DYNC1H1: variants seen among roughly 807,000 people sequenced by gnomAD.
The protein encoded by DYNC1H1 is dynein cytoplasmic 1 heavy chain 1, also known as cytoplasmic dynein 1 heavy chain 1.
Under a neutral mutation model 527.1 loss-of-function variants are expected in DYNC1H1, and 51 were observed. The observed-to-expected ratio is 0.10, with a 90% CI of 0.08 to 0.12. The LOEUF is 0.12. Among genes scored for constraint, DYNC1H1 ranks in the 10% least tolerant of loss-of-function variants. The pLI, the probability that DYNC1H1 is intolerant of heterozygous loss-of-function variation, is 1.00. For synonymous variants in DYNC1H1, 2,189 were observed against 2,278.8 expected, an observed-to-expected ratio of 0.96 and a Z score of 1.12; for missense variants, 2,771 against 5,971.8, an observed-to-expected ratio of 0.46 and a Z score of 17.66.
At position 102,004,967 on chromosome 14, in the gene DYNC1H1, G is replaced by T; in HGVS notation, c.5238+17G>T. The T allele has an allele frequency of 6.2e-7, 1 of 1,614,242 alleles. No individual in the cohort carries two copies. Among genetic ancestry groups the T allele is most frequent in the East Asian group, 2.2e-5 (1 of 44,884 alleles). On this transcript the variant is annotated intron_variant, in intron 25 of 77. Transcript: ENST00000360184. ...AAATACCAGGTAATCTATAGTAGAA[G>T]TGAGTGGGCTCGTGGTGAAAACGCA... is the stretch of plus-strand genomic sequence containing the variant.
At position 102,018,910 on chromosome 14, in the gene DYNC1H1, C is replaced by T. The variant is rs1449452532; in HGVS notation, c.8343+294C>T. 1.3e-5 allele frequency among the ~76,000 whole-genome samples: 2 copies of T among 152,140 alleles called. No homozygotes were observed. The highest frequency in any genetic ancestry group is 4.8e-5 in the African/African-American group (2 of 41,418). ...AGCTTACGATGAGCCATGATTGTGC[C>T]ACTGCACCAGCCTGGGTGACAGAGT... On this transcript the variant is annotated intron_variant, in intron 41 of 77. Coordinates refer to ENST00000360184, the MANE Select transcript of DYNC1H1 (RefSeq NM_001376.5). The surrounding 1 kb of genome is among the most constrained non-coding windows in gnomAD (Gnocchi z 5.2).
At chr14:101,982,364 C>T (rs1201166075) in intron 5 of DYNC1H1, among the ~76,000 whole-genome samples, 8 of 152,096 alleles carry the variant, frequency 5.3e-5, no homozygotes, top group East Asian at 1.9e-4. Flanking sequence ...GAGGCCTAGG[C>T]GGGCAGATCA....
At position 102,018,617 on chromosome 14, in the gene DYNC1H1, G is replaced by T. The variant is rs1265258010; in HGVS notation, c.8343+1G>T. 6.2e-7 allele frequency: 1 copy of T among 1,613,556 alleles called. No homozygotes were observed. Among genetic ancestry groups the T allele is most frequent in the Non-Finnish European group, 8.5e-7 (1 of 1,180,000 alleles). ...GGTGGAGTTCTACACCATGTCTCAG[G>T]TACGCAGAGTTTCTTTGCTCTTCCA... On this transcript the variant is annotated splice_donor_variant, in intron 41 of 77. Transcript: ENST00000360184. LOFTEE classifies it high-confidence loss of function. This position sits in a 1 kb window ranked among gnomAD's most constrained non-coding sequence, Gnocchi z 5.2.
chr14:102,016,900 T>C lies in DYNC1H1; in HGVS notation c.7749T>C (p.Thr2583=), dbSNP rs2152582718. 3 of 1,614,214 alleles carry C rather than the reference T, an allele frequency of 1.9e-6. No individual in the cohort carries two copies. Among genetic ancestry groups the C allele is most frequent in the Middle Eastern group, 3.3e-4 (2 of 6,062 alleles). The change falls in exon 38 of 78, where the codon ACT becomes ACC. Residue 2583 remains threonine, a synonymous_variant. Coordinates refer to ENST00000360184, the MANE Select transcript of DYNC1H1 (RefSeq NM_001376.5). This position sits in a 1 kb window ranked among gnomAD's most constrained non-coding sequence, Gnocchi z 7.3. The stretch of plus-strand genomic sequence containing the variant: ...TCCGCCACGAAGCCCTCTTGTACAC[T>C]TGGCTGGCCGAACACAAGCCCCTGG... ...DTVRHEALLY[T]WLAEHKPLVL...
At chr14:101,973,450 G>A (rs555182648) in intron 1 of DYNC1H1, among the ~76,000 whole-genome samples, 3 of 152,070 alleles carry the variant, frequency 2.0e-5, no homozygotes, top group East Asian at 3.9e-4. Flanking sequence ...ATGAGCCACC[G>A]CGCCTGGCCA....
chr14:101,979,539 A>G lies in DYNC1H1; in HGVS notation c.518+47A>G. ...TTATATTTCACTTAATGTTCACAAG[A>G]TAGTATAGAACTCGGTGTAAAACTT... is the stretch of plus-strand genomic sequence containing the variant. On this transcript the variant is annotated intron_variant, in intron 3 of 77. Coordinates refer to ENST00000360184, the MANE Select transcript of DYNC1H1 (RefSeq NM_001376.5). The surrounding 1 kb of genome is among the most constrained non-coding windows in gnomAD (Gnocchi z 4.6). The G allele has an allele frequency of 6.2e-7, 1 of 1,613,246 alleles. No individual in the cohort carries two copies. The highest frequency in any genetic ancestry group is 8.5e-7 in the Non-Finnish European group (1 of 1,179,428).
rs768596689 is a variant in DYNC1H1, at chr14:101,979,752, G to A, written c.552G>A (p.Lys184=). The change falls in exon 4 of 78, where the codon AAG becomes AAA. Residue 184 remains lysine (K), a synonymous_variant. Transcript: ENST00000360184. This position sits in a 1 kb window ranked among gnomAD's most constrained non-coding sequence, Gnocchi z 4.6. ...ATAAAATGGCTCCTTCAGTTGAAAA[G>A]AAGATTGCAGAACTCGAAATGGGAC... The part of the protein sequence containing the change: ...DGDKMAPSVE[K]KIAELEMGLL... 5.0e-6 allele frequency: 8 copies of A among 1,614,032 alleles called. No individual in the cohort carries two copies. The South Asian group carries it at 6.6e-5, about 13-fold the overall frequency.
Position 102,015,403 on chromosome 14 carries a change from T to C in DYNC1H1, c.7242+71T>C. 6.7e-7 allele frequency: 1 copy of C among 1,490,626 alleles called. No homozygotes were observed. Among genetic ancestry groups the C allele is most frequent in the South Asian group, 1.3e-5 (1 of 77,272 alleles). 92.3% of individuals were successfully genotyped at this position (1,490,626 alleles called of 1,614,324 possible). ...GATATTCAGATGTGGTCTCGCTGTGTTGCCCACGCTGGTCTTGAACTCCTG... is the reference window on the plus strand; with the variant it reads ...GATATTCAGATGTGGTCTCGCTGTGCTGCCCACGCTGGTCTTGAACTCCTG... On this transcript the variant is annotated intron_variant, in intron 35 of 77. Coordinates refer to ENST00000360184, the MANE Select transcript of DYNC1H1 (RefSeq NM_001376.5). This position sits in a 1 kb window ranked among gnomAD's most constrained non-coding sequence, Gnocchi z 6.9.
chr14:101,969,324 CCTT>C (rs2041292089), intron 1 of DYNC1H1: 1 of 153,594 alleles, frequency 6.5e-6, no homozygotes, highest in African/African-American at 2.4e-5. Context: ...CTGGCCAAGA[CCTT>C]CTTTCTAAAG....
intron 9 of DYNC1H1, 124 bp downstream of exon 9, chr14:101,987,756 C>T: frequency 8.6e-7 from 1 of 1,156,494 alleles, no homozygotes; most frequent in Non-Finnish European, 1.3e-6. Context: ...CAATTCCCCT[C>T]CAAAATCTCA....
chr14:102,005,251 T>C lies in DYNC1H1; in HGVS notation c.5433+15T>C. On this transcript the variant is annotated intron_variant, in intron 26 of 77. Transcript: ENST00000360184. This position sits in a 1 kb window ranked among gnomAD's most constrained non-coding sequence, Gnocchi z 4.0. ...TAGAACACTTGGTTAGTCTCACACC[T>C]GACTCCTTCCTTACCAGTTAGACTC... The C allele has an allele frequency of 1.2e-6, 2 of 1,614,048 alleles. No homozygotes were observed. The highest frequency in any genetic ancestry group is 1.7e-6 in the Non-Finnish European group (2 of 1,180,018).
At chr14:101,998,967 T>A in intron 16 of DYNC1H1, among the ~76,000 whole-genome samples, 1 of 143,030 alleles carries the variant, frequency 7.0e-6, no homozygotes. Context: ...CTGCAAGCTC[T>A]GCCTCCTGGC....
At position 102,042,949 on chromosome 14, in the gene DYNC1H1, G is replaced by C; in HGVS notation, c.12513+201G>C. Reference sequence around the variant, plus strand: ...CACTGGTAATCCTAGCACTTTGGAAGGTCGAGGTGGGAGGATCACTTGAGC... The same window carrying C: ...CACTGGTAATCCTAGCACTTTGGAACGTCGAGGTGGGAGGATCACTTGAGC... On this transcript the variant is annotated intron_variant, in intron 69 of 77. Coordinates refer to ENST00000360184, the MANE Select transcript of DYNC1H1 (RefSeq NM_001376.5). This position sits in a 1 kb window ranked among gnomAD's most constrained non-coding sequence, Gnocchi z 5.7. 3.1e-6 allele frequency: 2 copies of C among 638,668 alleles called. No individual in the cohort carries two copies. The highest frequency in any genetic ancestry group is 3.5e-5 in the South Asian group (2 of 57,932). 39.6% of individuals were successfully genotyped at this position (638,668 alleles called of 1,614,324 possible).
intron 12 of DYNC1H1, 107 bp downstream of exon 12, chr14:101,994,431 G>C (rs1450965806): frequency 7.2e-6 from 11 of 1,520,448 alleles, no homozygotes; most frequent in Non-Finnish European, 9.9e-6. Flanking sequence ...TGTATGTATG[G>C]TTCACTAGAT....
chr14:102,000,507 G>T, intron 18 of DYNC1H1, 108 bp downstream of exon 18: 1 of 928,356 alleles, frequency 1.1e-6, no homozygotes. Context: ...TTCATAAGAT[G>T]TCATTTAATG....
At chr14:101,978,100 T>A (rs1019041905) in intron 2 of DYNC1H1, among the ~76,000 whole-genome samples, 19 of 152,050 alleles carry the variant, frequency 1.2e-4, no homozygotes, top group African/African-American at 4.6e-4. Context: ...TGTCGCCCAG[T>A]CTGGAGTGCA....
rs200518091 is a variant in DYNC1H1 at position 102,011,000 on chromosome 14, C to G, written c.6618+48C>G. 1.6e-5 allele frequency: 25 copies of G among 1,601,548 alleles called. No individual in the cohort carries two copies. The Admixed American group carries it at 3.2e-4, about 20-fold the overall frequency. ...CCACTGCCCTCACAGACCCTGCTGG[C>G]TTTAGTGTCTGGTAATGACAACCGT... On this transcript the variant is annotated intron_variant, in intron 32 of 77. Transcript: ENST00000360184. The surrounding 1 kb of genome is among the most constrained non-coding windows in gnomAD (Gnocchi z 6.0).
In DYNC1H1 at chr14:102,041,565, C is replaced by A; in HGVS notation, c.11942-9C>A. On this transcript the variant is annotated splice_polypyrimidine_tract_variant and intron_variant, in intron 64 of 77. Coordinates refer to ENST00000360184, the MANE Select transcript of DYNC1H1 (RefSeq NM_001376.5). The surrounding 1 kb of genome is among the most constrained non-coding windows in gnomAD (Gnocchi z 4.5). ...CCACCCAGCACCCACCCCTCTGTAC[C>A]TGTTTCAGCACCCATTGGCCAGGCC... 1 of 1,614,004 alleles carries A rather than the reference C, an allele frequency of 6.2e-7. No individual in the cohort carries two copies. Among genetic ancestry groups the A allele is most frequent in the Non-Finnish European group, 8.5e-7 (1 of 1,180,032 alleles).
At position 102,042,276 on chromosome 14, in the gene DYNC1H1, T is replaced by C. The variant is rs2152596585; in HGVS notation, c.12263T>C (p.Val4088Ala). The C allele has an allele frequency of 6.2e-7, 1 of 1,614,108 alleles. No individual in the cohort carries two copies. The highest frequency in any genetic ancestry group is 1.1e-5 in the South Asian group (1 of 91,082). Residue 4088 changes from valine (V) to alanine (A), a missense_variant, in exon 67 of 78, where the codon GTA becomes GCA. By Grantham distance (64) the Val-to-Ala change is moderately conservative. Coordinates refer to ENST00000360184, the MANE Select transcript of DYNC1H1 (RefSeq NM_001376.5). The surrounding 1 kb of genome is among the most constrained non-coding windows in gnomAD (Gnocchi z 5.7). ...GCAGATAAGGCAATAAACACCGCTG[T>C]AAAGTCGGGCAGGTAGGCCTGTTCT... Reference protein sequence around the residue: ...NQADKAINTAVKSGRWVMLKN... With the variant: ...NQADKAINTAAKSGRWVMLKN...
Sources: gnomAD v4.1 joint callset for allele counts (sites outside exome capture counted in the v4.1 genomes callset) on GRCh38, gnomAD v4.1.1 for gene constraint, Gnocchi (gnomAD v3.1) non-coding constraint, MANE v1.5 for transcripts, NCBI Gene and HGNC (gene_info 2026-07-23, HGNC 2026-07-21) for gene names.